TIMM23: variants seen among roughly 807,000 people sequenced by gnomAD.
TIMM23 encodes the protein mitochondrial import inner membrane translocase subunit Tim23.
Under a neutral mutation model 30.7 loss-of-function variants are expected in TIMM23, and 19 were observed. The observed-to-expected ratio is 0.62, with a 90% CI of 0.43 to 0.91. TIMM23 has a LOEUF of 0.91. TIMM23 is among the 40% of genes least tolerant of loss of function. TIMM23 has a pLI of 0.00. For missense variants in TIMM23, 202 were observed against 269.2 expected (o/e 0.75, Z 1.75); for synonymous variants, 78 against 98.5 (o/e 0.79, Z 1.23).
chr10:45,972,782 A>G (rs1837533052), intron 1 of TIMM23, 52 bp downstream of exon 1: 8 of 1,604,154 alleles, frequency 5.0e-6, no homozygotes, highest in East Asian at 2.2e-5. Flanking sequence ...TTGCGTCTAC[A>G]CTAAGTTGCG....
At chr10:45,979,834 A>G (rs2132250016) in intron 2 of TIMM23, among the ~76,000 whole-genome samples, 1 of 152,076 alleles carries the variant, frequency 6.6e-6, no homozygotes, top group Non-Finnish European at 1.5e-5. Flanking sequence ...TTTTTACTTT[A>G]AAAGTACTCC....
intron 4 of TIMM23, among the ~76,000 whole-genome samples, chr10:45,983,539 C>T (rs1482784696): frequency 6.6e-6 from 1 of 152,142 alleles, no homozygotes; most frequent in Non-Finnish European, 1.5e-5. Context: ...TAAACATGGC[C>T]AGTCCCTCTT....
chr10:45,993,105 A>G (rs1264617364), intron 6 of TIMM23, among the ~76,000 whole-genome samples: 1 of 152,132 alleles, frequency 6.6e-6, no homozygotes, highest in Admixed American at 6.6e-5. Context: ...AGTTTTGCAC[A>G]TACATTTTAG....
intron 6 of TIMM23, among the ~76,000 whole-genome samples, chr10:45,989,144 C>G (rs1838083261): frequency 1.3e-5 from 2 of 152,180 alleles, no homozygotes; most frequent in Non-Finnish European, 1.5e-5. Flanking sequence ...TCCCAATTTA[C>G]CACTTCCTTA....
At chr10:45,989,502 A>G (rs61849549) in intron 6 of TIMM23, among the ~76,000 whole-genome samples, 1 of 152,194 alleles carries the variant, frequency 6.6e-6, no homozygotes, top group African/African-American at 2.4e-5. Context: ...GCAGAAGTGG[A>G]ATTCTTGGAT....
rs1837878797 is a variant in TIMM23, at chr10:45,982,556, A to G, written c.199A>G (p.Asn67Asp). 14 of 1,613,954 alleles carry G rather than the reference A, an allele frequency of 8.7e-6. No individual in the cohort carries two copies. Among genetic ancestry groups the G allele is most frequent in the Non-Finnish European group, 1.2e-5 (14 of 1,179,860 alleles). ...TGAGTTTATTTTACCTACCGGAGCT[A>G]ATAAAACCCGGGGCAGATTTGAGCT... is the stretch of plus-strand genomic sequence containing the variant. Reference protein sequence around the residue: ...TDEFILPTGANKTRGRFELAF... With the variant: ...TDEFILPTGADKTRGRFELAF... Residue 67 changes from asparagine (N) to aspartate (D), a missense_variant, in exon 3 of 7, where the codon AAT (asparagine) becomes GAT (aspartate). Physicochemically the swap from Asn to Asp is conservative, Grantham distance 23 (BLOSUM62 1). Transcript: ENST00000580018.
chr10:45,987,837 G>T (rs1403955099), intron 5 of TIMM23, among the ~76,000 whole-genome samples: 1 of 151,752 alleles, frequency 6.6e-6, no homozygotes, highest in African/African-American at 2.4e-5. Flanking sequence ...GCCCAAACTG[G>T]TCTCTGACTC....
At chr10:45,982,037 G>A (rs1408544034) in intron 2 of TIMM23, among the ~76,000 whole-genome samples, 1 of 152,234 alleles carries the variant, frequency 6.6e-6, no homozygotes, top group East Asian at 1.9e-4. Flanking sequence ...AAACAGATAA[G>A]AATTATTAAA....
chr10:45,979,605 C>T (rs1195399416), intron 2 of TIMM23, among the ~76,000 whole-genome samples: 1 of 83,514 alleles, frequency 1.2e-5, no homozygotes, highest in Non-Finnish European at 2.6e-5. Flanking sequence ...CCATGCCTGG[C>T]CTTTTTTTTT....
chr10:45,988,869 G>A, intron 6 of TIMM23, 22 bp downstream of exon 6: 1 of 1,607,962 alleles, frequency 6.2e-7, no homozygotes, highest in Non-Finnish European at 8.5e-7. Context: ...TGAATGGGGA[G>A]CCATCTCTTA....
At chr10:45,974,455 G>A (rs1837605307) in intron 1 of TIMM23, among the ~76,000 whole-genome samples, 1 of 152,156 alleles carries the variant, frequency 6.6e-6, no homozygotes, top group Non-Finnish European at 1.5e-5. Context: ...AAACAAATTT[G>A]GCAGGTTTAA....
At chr10:45,996,832 G>A (rs1590129992) in intron 6 of TIMM23, among the ~76,000 whole-genome samples, 1 of 151,976 alleles carries the variant, frequency 6.6e-6, no homozygotes, top group Admixed American at 6.5e-5. Flanking sequence ...GGGCTTGGTG[G>A]TGGGCACCTG....
In TIMM23 at chr10:45,982,591, T is replaced by C; in HGVS notation, c.234T>C (p.Phe78=). 3.1e-6 allele frequency: 5 copies of C among 1,613,942 alleles called. No individual in the cohort carries two copies. The highest frequency in any genetic ancestry group is 2.5e-6 in the Non-Finnish European group (3 of 1,179,854). ...KTRGRFELAF[F]TIGGCCMTGA... ...GGGGCAGATTTGAGCTGGCCTTCTT[T>C]ACGATTGGAGGATGTTGCATGACAG... Residue 78 remains phenylalanine, a synonymous_variant, in exon 3 of 7, where the codon TTT becomes TTC. Transcript: ENST00000580018.
At chr10:45,993,682 TAAATGAAATAAATG>T (rs1838240385) in intron 6 of TIMM23, among the ~76,000 whole-genome samples, 1 of 146,052 alleles carries the variant, frequency 6.8e-6, no homozygotes, top group Non-Finnish European at 1.5e-5. Flanking sequence ...ATGAAGAGAA[TAAATGAAATAAATG>T]AAATGAAATA....
intron 2 of TIMM23, among the ~76,000 whole-genome samples, chr10:45,982,201 G>T (rs1264661538): frequency 1.3e-5 from 2 of 152,194 alleles, no homozygotes; most frequent in East Asian, 3.8e-4. Context: ...CTGATTGTCT[G>T]TTCTGTTCTT....
intron 5 of TIMM23, 86 bp downstream of exon 5, chr10:45,985,527 C>T (rs1329799594): frequency 6.8e-7 from 1 of 1,476,680 alleles, no homozygotes; most frequent in Non-Finnish European, 9.5e-7. Context: ...ATATTCTGGT[C>T]CTAGGATATG....
intron 5 of TIMM23, among the ~76,000 whole-genome samples, chr10:45,985,758 G>T (rs1837972843): frequency 6.6e-6 from 1 of 152,212 alleles, no homozygotes. Context: ...AAAGTAAAGA[G>T]CTTTGTATGT....
chr10:46,001,072 G>A (rs7350392), intron 6 of TIMM23, among the ~76,000 whole-genome samples: 1 of 152,186 alleles, frequency 6.6e-6, no homozygotes, highest in South Asian at 2.1e-4. Flanking sequence ...TTCCACATTA[G>A]GAATTTGGTC....
intron 6 of TIMM23, among the ~76,000 whole-genome samples, chr10:45,991,209 G>A (rs1312754068): frequency 1.3e-5 from 2 of 152,204 alleles, no homozygotes; most frequent in South Asian, 2.1e-4. Flanking sequence ...TATAAGGAAG[G>A]TGTGGGAGAA....
Sources: allele counts gnomAD v4.1 joint callset (sites outside exome capture counted in the v4.1 genomes callset), GRCh38; gene constraint gnomAD v4.1.1; transcripts MANE v1.5; gene names NCBI Gene and HGNC (gene_info 2026-07-23, HGNC 2026-07-21).